UGT1A5: variants seen among roughly 807,000 people sequenced by gnomAD.
UGT1A5 encodes the protein UDP-glucuronosyltransferase 1A5.
Under a neutral mutation model 40.3 loss-of-function variants are expected in UGT1A5, and 29 were observed. That is an observed-to-expected ratio of 0.72 (90% CI 0.54 to 0.98). UGT1A5 has a LOEUF of 0.98. Ranked by LOEUF, UGT1A5 falls within the 50% of genes least tolerant of loss-of-function variation. UGT1A5 has a pLI of 0.00. For synonymous variants in UGT1A5, 257 were observed against 262.5 expected, an observed-to-expected ratio of 0.98 and a Z score of 0.20; for missense variants, 678 against 677.9, an observed-to-expected ratio of 1.00 and a Z score of 0.00.
At chr2:233,737,494 C>T (rs1180844627) in intron 1 of UGT1A5, among the ~76,000 whole-genome samples, 1 of 152,208 alleles carries the variant, frequency 6.6e-6, no homozygotes, top group South Asian at 2.1e-4. Context: ...AGGGAAATCC[C>T]TCACCCTCTT....
intron 1 of UGT1A5, chr2:233,740,614 G>C (rs1166695020): frequency 6.6e-6 from 1 of 151,764 alleles, no homozygotes; most frequent in Non-Finnish European, 1.5e-5. Context: ...AGGTCTCTTG[G>C]GGCTCACAGG....
chr2:233,719,832 C>G, intron 1 of UGT1A5: 1 of 1,545,496 alleles, frequency 6.5e-7, no homozygotes, highest in South Asian at 1.2e-5. Flanking sequence ...GTTGAGGGGC[C>G]TAGTGTATTT....
chr2:233,751,076 G>A (rs1694634911), intron 1 of UGT1A5, among the ~76,000 whole-genome samples: 1 of 151,954 alleles, frequency 6.6e-6, no homozygotes, highest in Non-Finnish European at 1.5e-5. Context: ...GCCAGCCTCT[G>A]AAGGCAGCCA....
intron 1 of UGT1A5, among the ~76,000 whole-genome samples, chr2:233,734,828 G>A (rs1303318660): frequency 6.6e-6 from 1 of 152,222 alleles, no homozygotes; most frequent in African/African-American, 2.4e-5. Flanking sequence ...GCGATTTTGA[G>A]TGAGTTTCTT....
intron 1 of UGT1A5, chr2:233,747,125 G>A (rs1221297675): frequency 2.0e-6 from 3 of 1,497,444 alleles, no homozygotes; most frequent in Admixed American, 3.8e-5. Flanking sequence ...TTGCTAAGTG[G>A]CTCAGTGACA....
chr2:233,718,172 C>T lies in UGT1A5; in HGVS notation c.867+4314C>T, dbSNP rs559286089. 3.8e-5 allele frequency: 9 copies of T among 238,986 alleles called. No individual in the cohort carries two copies. In the East Asian group the frequency reaches 7.1e-4, roughly 19 times the overall value. 14.8% of individuals were successfully genotyped at this position (238,986 alleles called of 1,614,324 possible). Reference sequence around the variant, plus strand: ...AGCCTTCCCAAGAATATGATCATCACATCTTGAGCTCAGCCTCCCCGGAGC... The same window carrying T: ...AGCCTTCCCAAGAATATGATCATCATATCTTGAGCTCAGCCTCCCCGGAGC... On this transcript the variant is annotated intron_variant, in intron 1 of 4. Transcript: ENST00000373414.
rs774683875 is a variant in UGT1A5 at position 233,713,284 on chromosome 2, A to C, written c.293A>C (p.Gln98Pro). 1.9e-6 allele frequency: 3 copies of C among 1,614,270 alleles called. No individual in the cohort carries two copies. The East Asian group carries it at 6.7e-5, about 36-fold the overall frequency. The change falls in exon 1 of 5, where the codon CAA (glutamine) becomes CCA (proline). Residue 98 changes from glutamine to proline, a missense_variant. By Grantham distance (76) the Gln-to-Pro change is moderately conservative (BLOSUM62 -1). Coordinates refer to ENST00000373414, the MANE Select transcript of UGT1A5 (RefSeq NM_019078.2). ...GATCGCCTTTTGCTGGGTCACACTCAATCGTTCTTTGAAACAGAACATCTT... is the reference window on the plus strand; with the variant it reads ...GATCGCCTTTTGCTGGGTCACACTCCATCGTTCTTTGAAACAGAACATCTT... ...EFDRLLLGHT[Q>P]SFFETEHLLM... is the part of the protein sequence containing the mutation.
At chr2:233,749,912 GT>G (rs559529572) in intron 1 of UGT1A5, among the ~76,000 whole-genome samples, 2 of 151,864 alleles carry the variant, frequency 1.3e-5, no homozygotes, top group African/African-American at 4.9e-5. Context: ...ACCTGGAACT[GT>G]GAGTCAATTA....
rs45470199 is a variant in UGT1A5, at chr2:233,713,204, A to G, written c.213A>G (p.Glu71=). The G allele has an allele frequency of 2.1e-3, 3,394 of 1,614,240 alleles. 62 individuals are homozygous for G. In the African/African-American group the frequency reaches 0.04, roughly 19 times the overall value. ...LTLEVNMYIK[E]ENFFTLTTYA... Reference sequence around the variant, plus strand: ...TGGAGGTGAATATGTACATCAAAGAAGAGAACTTTTTCACCCTGACAACGT... The same window carrying G: ...TGGAGGTGAATATGTACATCAAAGAGGAGAACTTTTTCACCCTGACAACGT... Residue 71 remains glutamate, a synonymous_variant, in exon 1 of 5, where the codon GAA becomes GAG. Transcript: ENST00000373414.
intron 1 of UGT1A5, among the ~76,000 whole-genome samples, chr2:233,748,437 T>C (rs1194940254): frequency 2.6e-5 from 4 of 151,838 alleles, no homozygotes; most frequent in African/African-American, 9.7e-5. Flanking sequence ...GATTTTTTGT[T>C]TGCACAATTT....
chr2:233,732,988 A>G (rs1229388151), intron 1 of UGT1A5, among the ~76,000 whole-genome samples: 2 of 152,034 alleles, frequency 1.3e-5, no homozygotes, highest in Non-Finnish European at 2.9e-5. Flanking sequence ...TATTTCGTTG[A>G]GCAGTGGTTT....
At chr2:233,743,979 A>G (rs1692622611) in intron 1 of UGT1A5, 33 of 1,306,002 alleles carry the variant, frequency 2.5e-5, no homozygotes, top group South Asian at 6.3e-5. Context: ...GCCAGCACCC[A>G]GGCGCAGGCC....
chr2:233,745,507 G>T (rs1198591343), intron 1 of UGT1A5, among the ~76,000 whole-genome samples: 14 of 151,594 alleles, frequency 9.2e-5, no homozygotes, highest in Non-Finnish European at 2.9e-5. Context: ...TTCCTATAGG[G>T]TATTAGGTCT....
At chr2:233,729,963 C>A in intron 1 of UGT1A5, 6 of 1,614,038 alleles carry the variant, frequency 3.7e-6, no homozygotes, top group Non-Finnish European at 5.1e-6. Context: ...TTGGGGGCAT[C>A]AACTGTGCCA....
chr2:233,772,866 T>C lies in UGT1A5; in HGVS notation c.*307T>C. ...TTTTCTTACTCTGAAACATGGCCTGTTTGGGAGTGCGGGATTCAAAGGTGG... is the reference window on the plus strand; with the variant it reads ...TTTTCTTACTCTGAAACATGGCCTGCTTGGGAGTGCGGGATTCAAAGGTGG... On this transcript the variant is annotated 3_prime_UTR_variant, in exon 5 of 5. Transcript: ENST00000373414. 1 of 650,978 alleles carries C rather than the reference T, an allele frequency of 1.5e-6. No homozygotes were observed. The highest frequency in any genetic ancestry group is 2.3e-6 in the Non-Finnish European group (1 of 438,192). 40.3% of individuals were successfully genotyped at this position (650,978 alleles called of 1,614,324 possible). A position where few individuals can be genotyped will look rare whatever the true frequency, so the allele number is the denominator to read the frequency against.
intron 1 of UGT1A5, among the ~76,000 whole-genome samples, chr2:233,731,635 T>A (rs2078185230): frequency 6.6e-6 from 1 of 152,238 alleles, no homozygotes; most frequent in Non-Finnish European, 1.5e-5. Context: ...TATGGCTGCA[T>A]AGTATTCCAT....
In UGT1A5 at chr2:233,769,791, G is replaced by A; in HGVS notation, c.1307+1352G>A. 5 of 1,267,464 alleles carry A rather than the reference G, an allele frequency of 3.9e-6. No individual in the cohort carries two copies. The South Asian group carries it at 8.7e-5, about 22-fold the overall frequency. The allele number at this position is 1,267,464 out of a possible 1,614,324, so 78.5% of individuals were successfully genotyped here. On this transcript the variant is annotated intron_variant, in intron 4 of 4. Transcript: ENST00000373414. The surrounding 1 kb of genome is among the most constrained non-coding windows in gnomAD (Gnocchi z 4.4). ...GATTGCTTGAGCCCAGAAGTTGGAG[G>A]CTGCTATGAGCCGTGATCATGCCAC...
chr2:233,752,944 C>T (rs1559397408), intron 1 of UGT1A5, among the ~76,000 whole-genome samples: 2 of 152,230 alleles, frequency 1.3e-5, no homozygotes, highest in Non-Finnish European at 2.9e-5. Context: ...TTGCTGACCA[C>T]TGAACAATGG....
chr2:233,749,993 A>G (rs1274473533), intron 1 of UGT1A5, among the ~76,000 whole-genome samples: 2 of 151,856 alleles, frequency 1.3e-5, no homozygotes, highest in African/African-American at 4.9e-5. Context: ...GGACTAATAT[A>G]TTAAATTGGT....
Sources: gnomAD v4.1 joint callset for allele counts (sites outside exome capture counted in the v4.1 genomes callset) on GRCh38, gnomAD v4.1.1 for gene constraint, Gnocchi (gnomAD v3.1) non-coding constraint, MANE v1.5 for transcripts, NCBI Gene and HGNC (gene_info 2026-07-23, HGNC 2026-07-21) for gene names.